Variants in MRPS27 observed in about 807,000 individuals in gnomAD.
MRPS27 encodes small ribosomal subunit protein mS27.
A neutral mutation model predicts 48.9 loss-of-function variants in MRPS27; 43 were observed. That is an observed-to-expected ratio of 0.88 (90% CI 0.69 to 1.13). The LOEUF (loss-of-function observed/expected upper bound fraction) is 1.13, where lower values mean the gene tolerates loss of function less well. Among genes scored for constraint, MRPS27 ranks in the 50% most tolerant of loss-of-function variants. The probability of loss-of-function intolerance (pLI) is 0.00; values close to 1 mark genes in which losing one functional copy is unlikely to be tolerated. For synonymous variants in MRPS27, 188 were observed against 171.9 expected, an observed-to-expected ratio of 1.09 and a Z score of -0.73; for missense variants, 467 against 476.3, an observed-to-expected ratio of 0.98 and a Z score of 0.18.
At chr5:72,240,244 C>T (rs547750967) in intron 4 of MRPS27, among the ~76,000 whole-genome samples, 14 of 152,132 alleles carry the variant, frequency 9.2e-5, no homozygotes, top group Admixed American at 5.2e-4. Flanking sequence ...ATTTCCTTTT[C>T]AGGGCATTTA....
intron 10 of MRPS27, among the ~76,000 whole-genome samples, chr5:72,221,799 C>T (rs1363566444): frequency 6.6e-6 from 1 of 152,076 alleles, no homozygotes; most frequent in Non-Finnish European, 1.5e-5. Context: ...TGCATTGGGT[C>T]TTAGGAACTC....
chr5:72,289,363 C>G (rs909298579), intron 4 of MRPS27, among the ~76,000 whole-genome samples: 1 of 152,130 alleles, frequency 6.6e-6, no homozygotes, highest in Non-Finnish European at 1.5e-5. Flanking sequence ...TATTGTATAA[C>G]AATTCAGCAT....
chr5:72,296,335 C>T (rs561528904), intron 3 of MRPS27, among the ~76,000 whole-genome samples: 199 of 152,200 alleles, frequency 1.3e-3, no homozygotes, highest in African/African-American at 4.6e-3. Context: ...CTAAAAATGC[C>T]TAGCACTTCT....
At chr5:72,226,742 T>A (rs529435135) in intron 8 of MRPS27, among the ~76,000 whole-genome samples, 21 of 152,150 alleles carry the variant, frequency 1.4e-4, no homozygotes, top group Non-Finnish European at 2.5e-4. Context: ...CCTTTGAGTT[T>A]CGTCAGTTTT....
intron 4 of MRPS27, among the ~76,000 whole-genome samples, chr5:72,266,243 C>T (rs1407895387): frequency 6.6e-6 from 1 of 152,166 alleles, no homozygotes; most frequent in African/African-American, 2.4e-5. Context: ...ATTGAAAAGA[C>T]ATTCTCAAAG....
intron 2 of MRPS27, among the ~76,000 whole-genome samples, chr5:72,306,458 A>G (rs1349246512): frequency 3.9e-5 from 6 of 152,212 alleles, no homozygotes. Flanking sequence ...CACAAGACAT[A>G]TGGAAGGCAG....
chr5:72,231,924 T>C (rs1748073713), intron 7 of MRPS27, among the ~76,000 whole-genome samples: 1 of 152,180 alleles, frequency 6.6e-6, no homozygotes, highest in South Asian at 2.1e-4. Flanking sequence ...TGGTGTAAAG[T>C]AAGTGCTACT....
intron 4 of MRPS27, among the ~76,000 whole-genome samples, chr5:72,251,880 C>T (rs541776121): frequency 6.6e-6 from 1 of 152,264 alleles, no homozygotes; most frequent in East Asian, 1.9e-4. Context: ...TCTAAGAACC[C>T]CCTTTTCCAT....
intron 1 of MRPS27, among the ~76,000 whole-genome samples, chr5:72,315,346 CA>C (rs1364058661): frequency 6.6e-6 from 1 of 151,902 alleles, no homozygotes; most frequent in Non-Finnish European, 1.5e-5. Flanking sequence ...CACTTAAGCT[CA>C]GGAGTTCAAG....
intron 1 of MRPS27, among the ~76,000 whole-genome samples, chr5:72,317,740 T>C (rs1026601918): frequency 3.9e-5 from 6 of 152,004 alleles, no homozygotes; most frequent in African/African-American, 1.5e-4. Context: ...CAGGCTGGAG[T>C]GTAGTGGCAT....
chr5:72,296,567 A>G (rs1018579175), intron 3 of MRPS27, among the ~76,000 whole-genome samples: 4 of 152,244 alleles, frequency 2.6e-5, no homozygotes, highest in Non-Finnish European at 5.9e-5. Flanking sequence ...ACCTTGAAGT[A>G]CTACCTAAAT....
intron 4 of MRPS27, among the ~76,000 whole-genome samples, chr5:72,250,804 C>T (rs947472085): frequency 1.3e-5 from 2 of 152,188 alleles, no homozygotes; most frequent in African/African-American, 4.8e-5. Flanking sequence ...CTCACTCTGT[C>T]ACCCAGGCTG....
At chr5:72,272,173 C>T (rs191087262) in intron 4 of MRPS27, among the ~76,000 whole-genome samples, 173 of 152,234 alleles carry the variant, frequency 1.1e-3, no homozygotes, top group African/African-American at 3.9e-3. Flanking sequence ...TTTAGGTCTG[C>T]GGTCTGTCTC....
chr5:72,221,404 T>C (rs1200167393), intron 10 of MRPS27, among the ~76,000 whole-genome samples: 1 of 152,198 alleles, frequency 6.6e-6, no homozygotes, highest in Non-Finnish European at 1.5e-5. Context: ...GTGGTTATTT[T>C]TTTCAGCTCA....
chr5:72,310,783 T>C (rs1750423970), intron 2 of MRPS27, among the ~76,000 whole-genome samples: 1 of 152,234 alleles, frequency 6.6e-6, no homozygotes, highest in Admixed American at 6.5e-5. Context: ...GAGAATAGCC[T>C]ATTAATCAGA....
chr5:72,312,367 G>T (rs1315931351), intron 2 of MRPS27, among the ~76,000 whole-genome samples: 1 of 151,986 alleles, frequency 6.6e-6, no homozygotes, highest in African/African-American at 2.4e-5. Flanking sequence ...ACCAAGAGTT[G>T]TTCATTCTAT....
chr5:72,258,101 A>AG (rs1272725356), intron 4 of MRPS27, among the ~76,000 whole-genome samples: 3 of 151,838 alleles, frequency 2.0e-5, no homozygotes, highest in Admixed American at 2.0e-4. Context: ...AAAAAAAAAA[A>AG]AAGAATTGGA....
intron 2 of MRPS27, among the ~76,000 whole-genome samples, chr5:72,309,539 G>A (rs1323623706): frequency 1.3e-5 from 2 of 152,130 alleles, no homozygotes; most frequent in African/African-American, 4.8e-5. Context: ...GATTATAGGC[G>A]TGTGCCACTG....
rs1747952945 is a variant in MRPS27, at chr5:72,228,305, C to G, written c.655G>C (p.Val219Leu). 2 of 1,613,476 alleles carry G rather than the reference C, an allele frequency of 1.2e-6. No homozygotes were observed. The highest frequency in any genetic ancestry group is 1.7e-6 in the Non-Finnish European group (2 of 1,179,696). ...CCATACAACTGGGAACTGAAACCCA[C>G]TGAGTTCTTTTGTTTTAGGCCTGGA... ...LLPGLKQKNS[V>L]GFSSQLYGYA... The change falls in exon 8 of 11, where the codon GTG becomes CTG. Residue 219 changes from valine (V) to leucine (L), a missense_variant. Coordinates refer to ENST00000261413, the MANE Select transcript of MRPS27 (RefSeq NM_015084.3).
Sources: allele counts gnomAD v4.1 joint callset (sites outside exome capture counted in the v4.1 genomes callset), GRCh38; gene constraint gnomAD v4.1.1; transcripts MANE v1.5; gene names NCBI Gene and HGNC (gene_info 2026-07-23, HGNC 2026-07-21).